FAM184B: variants seen among roughly 807,000 people sequenced by gnomAD.
The protein encoded by FAM184B is family with sequence similarity 184 member B.
Under a neutral mutation model 135.9 loss-of-function variants are expected in FAM184B, and 111 were observed. That is an observed-to-expected ratio of 0.82 (90% CI 0.70 to 0.96). The LOEUF is 0.96. FAM184B is among the 40% of genes least tolerant of loss of function. The pLI, the probability that FAM184B is intolerant of heterozygous loss-of-function variation, is 0.00. For synonymous variants in FAM184B, 552 were observed against 524.8 expected (o/e 1.05, Z -0.71); for missense variants, 1,375 against 1,323.9 (o/e 1.04, Z -0.60).
intron 12 of FAM184B, 23 bp from the exon 13 acceptor site, chr4:17,642,251 G>A (rs1715345749): frequency 1.4e-6 from 2 of 1,456,740 alleles, no homozygotes; most frequent in Middle Eastern, 2.3e-4. Flanking sequence ...ACCAGGAGAG[G>A]TGTTTTCAGG....
At position 17,770,550 on chromosome 4, in the gene FAM184B, G is replaced by T. The variant is rs374960573; in HGVS notation, c.141+10609C>A. Among the ~76,000 whole-genome samples the T allele has an allele frequency of 1.3e-4, 20 of 152,148 alleles. No individual in the cohort carries two copies. The East Asian group carries it at 1.7e-3, about 13-fold the overall frequency. On this transcript the variant is annotated intron_variant, in intron 1 of 17. Transcript: ENST00000265018. ...GAAATATTGGCTCACTGCAACCTCC[G>T]CCTCCCGGGTTCAAGTGATTCTCCT...
rs1160877476 is a variant in FAM184B at position 17,688,427 on chromosome 4, G to A, written c.1593C>T (p.Thr531=). The change falls in exon 7 of 18, where the codon ACC becomes ACT. Residue 531 remains threonine (T), a synonymous_variant. Transcript: ENST00000265018. ...ATCTGACAAAGCTGGAGGTTACCTG[G>A]GTCTCCAGAATGCTGCAGTGCTGGC... ...LGRQHCSILE[T]QDPCLKLDET... 6.5e-7 allele frequency: 1 copy of A among 1,546,430 alleles called. No homozygotes were observed. The highest frequency in any genetic ancestry group is 1.2e-5 in the South Asian group (1 of 83,220).
At chr4:17,655,002 C>T (rs577734634) in intron 10 of FAM184B, among the ~76,000 whole-genome samples, 4 of 152,284 alleles carry the variant, frequency 2.6e-5, no homozygotes, top group Admixed American at 2.0e-4. Flanking sequence ...CAGATGCTCA[C>T]TACTCCACCT....
chr4:17,718,499 T>C (rs529734806), intron 1 of FAM184B, among the ~76,000 whole-genome samples: 9 of 152,312 alleles, frequency 5.9e-5, no homozygotes, highest in Admixed American at 5.2e-4. Context: ...ACATTATTTG[T>C]CCGTATAATA....
At chr4:17,770,447 T>C (rs1182097273) in intron 1 of FAM184B, among the ~76,000 whole-genome samples, 1 of 146,506 alleles carries the variant, frequency 6.8e-6, no homozygotes, top group African/African-American at 2.5e-5. Flanking sequence ...GTTGTTGTTG[T>C]TGTTGTTGTT....
intron 1 of FAM184B, among the ~76,000 whole-genome samples, chr4:17,769,498 G>T (rs1393848656): frequency 9.2e-5 from 14 of 152,046 alleles, no homozygotes; most frequent in Non-Finnish European, 1.8e-4. Context: ...TCAAATGGAG[G>T]CACCACGTCT....
chr4:17,648,972 A>T (rs1715537706), intron 11 of FAM184B, among the ~76,000 whole-genome samples: 1 of 152,334 alleles, frequency 6.6e-6, no homozygotes, highest in Non-Finnish European at 1.5e-5. Flanking sequence ...TATTCCTTTT[A>T]AAAAAGATAC....
intron 17 of FAM184B, 96 bp from the exon 18 acceptor site, chr4:17,632,721 TTACTC>T (rs1714995522): frequency 1.2e-6 from 1 of 831,944 alleles, no homozygotes; most frequent in African/African-American, 1.7e-5. Context: ...AACTGCTTGT[TTACTC>T]TTCAAAAACA....
chr4:17,728,374 G>A (rs951534964), intron 1 of FAM184B, among the ~76,000 whole-genome samples: 7 of 152,086 alleles, frequency 4.6e-5, no homozygotes, highest in African/African-American at 1.7e-4. Flanking sequence ...GTGACAGAGC[G>A]AGACCCTGTC....
intron 1 of FAM184B, among the ~76,000 whole-genome samples, chr4:17,736,047 T>C (rs1454742567): frequency 6.6e-6 from 1 of 152,206 alleles, no homozygotes; most frequent in African/African-American, 2.4e-5. Context: ...AAACTAGTAC[T>C]TCTGAGGGTT....
intron 1 of FAM184B, among the ~76,000 whole-genome samples, chr4:17,752,009 G>C (rs1027250739): frequency 6.6e-6 from 1 of 151,892 alleles, no homozygotes. Flanking sequence ...TGCTGAGTGG[G>C]CTTCCCTACT....
At position 17,707,934 on chromosome 4, in the gene FAM184B, A is replaced by G. The variant is rs1233073569; in HGVS notation, c.895-150T>C. 3 of 768,302 alleles carry G rather than the reference A, an allele frequency of 3.9e-6. No homozygotes were observed. The Admixed American group carries it at 9.2e-5, about 23-fold the overall frequency. 47.6% of individuals were successfully genotyped at this position (768,302 alleles called of 1,614,324 possible). On this transcript the variant is annotated intron_variant, in intron 2 of 17. Coordinates refer to ENST00000265018, the MANE Select transcript of FAM184B (RefSeq NM_015688.2). ...AATTCAGTGGCCCAGGGCTCATCAA[A>G]TCTCTCCTCATCCTCTGGCCTTCCT...
chr4:17,756,788 G>A (rs1026069712), intron 1 of FAM184B, among the ~76,000 whole-genome samples: 2 of 152,120 alleles, frequency 1.3e-5, no homozygotes, highest in African/African-American at 4.8e-5. Flanking sequence ...AGCCAGGCAC[G>A]GTGGTGCACA....
rs143212357 is a variant in FAM184B, at chr4:17,726,647, C to T, written c.142-17003G>A. Among the ~76,000 whole-genome samples the T allele has an allele frequency of 7.0e-3, 1,059 of 152,354 alleles. 5 individuals are homozygous for T. The highest frequency in any genetic ancestry group is 0.013 in the Non-Finnish European group (853 of 68,038). Reference sequence around the variant, plus strand: ...TCGGCCTCCCAAAATGTTGGGATTACAGGCATGAGCCACTGCGCCTGGCCA... The same window carrying T: ...TCGGCCTCCCAAAATGTTGGGATTATAGGCATGAGCCACTGCGCCTGGCCA... On this transcript the variant is annotated intron_variant, in intron 1 of 17. Transcript: ENST00000265018.
chr4:17,694,596 A>G (rs1716812470), intron 5 of FAM184B, among the ~76,000 whole-genome samples: 1 of 152,122 alleles, frequency 6.6e-6, no homozygotes, highest in African/African-American at 2.4e-5. Flanking sequence ...TTGTGCAAGT[A>G]TCTAGAGGAG....
intron 14 of FAM184B, among the ~76,000 whole-genome samples, chr4:17,637,491 T>C (rs893410100): frequency 4.6e-5 from 7 of 152,224 alleles, no homozygotes; most frequent in Admixed American, 4.6e-4. Context: ...ATATGTGACC[T>C]TGGGCATCAT....
chr4:17,720,150 A>G (rs1717485723), intron 1 of FAM184B, among the ~76,000 whole-genome samples: 1 of 151,994 alleles, frequency 6.6e-6, no homozygotes, highest in South Asian at 2.1e-4. Flanking sequence ...TGCATTCTCT[A>G]TTTGCTAATG....
At chr4:17,713,940 T>C (rs13109506) in intron 1 of FAM184B, among the ~76,000 whole-genome samples, 108,188 of 152,044 alleles carry the variant, frequency 0.71, 39,556 homozygotes, top group Non-Finnish European at 0.8. Flanking sequence ...CGAGAGGATT[T>C]GTCACCAGTT....
intron 7 of FAM184B, among the ~76,000 whole-genome samples, chr4:17,672,487 A>T (rs962774459): frequency 2.6e-5 from 4 of 151,804 alleles, no homozygotes; most frequent in Non-Finnish European, 4.4e-5. Flanking sequence ...ATTCTACTGA[A>T]TTTTTTCCAT....
Sources: gnomAD v4.1 joint callset for allele counts (sites outside exome capture counted in the v4.1 genomes callset) on GRCh38, gnomAD v4.1.1 for gene constraint, MANE v1.5 for transcripts, NCBI Gene and HGNC (gene_info 2026-07-23, HGNC 2026-07-21) for gene names.